Variants in CAST observed in about 807,000 individuals in gnomAD.
CAST encodes calpastatin.
A neutral mutation model predicts 119.6 loss-of-function variants in CAST; 76 were observed. The observed-to-expected ratio is 0.64, with a 90% CI of 0.53 to 0.77. CAST has a LOEUF of 0.77. CAST is among the 30% of genes least tolerant of loss of function. The pLI is 0.00. For missense variants in CAST, 953 were observed against 946.5 expected, an observed-to-expected ratio of 1.01 and a Z score of -0.09; for synonymous variants, 319 against 331.6, an observed-to-expected ratio of 0.96 and a Z score of 0.41.
chr5:96,238,235 T>C, the CAST span, among the ~76,000 whole-genome samples: 1 of 152,220 alleles, frequency 6.6e-6, no homozygotes, highest in East Asian at 1.9e-4. Context: ...CATCACACTA[T>C]ATTTAGGCAA....
At chr5:96,275,802 A>G in the CAST span, among the ~76,000 whole-genome samples, 1 of 152,200 alleles carries the variant, frequency 6.6e-6, no homozygotes, top group Non-Finnish European at 1.5e-5. Context: ...TTACAGGCTC[A>G]TTTGCTGTAA....
chr5:96,571,633 G>T (rs1330574905), intron 1 of CAST, among the ~76,000 whole-genome samples: 1 of 152,194 alleles, frequency 6.6e-6, no homozygotes, highest in African/African-American at 2.4e-5. Flanking sequence ...AAGGGGAAAA[G>T]AATCACAAAT....
chr5:96,565,277 A>G (rs1746446262), intron 1 of CAST, among the ~76,000 whole-genome samples: 1 of 152,134 alleles, frequency 6.6e-6, no homozygotes, highest in East Asian at 1.9e-4. Context: ...ATGATATGAT[A>G]AATATGAAGA....
At chr5:96,316,081 T>C in the CAST span, among the ~76,000 whole-genome samples, 1 of 152,206 alleles carries the variant, frequency 6.6e-6, no homozygotes, top group Non-Finnish European at 1.5e-5. Flanking sequence ...TCTGGAGATA[T>C]AATTAAATGC....
the CAST span, among the ~76,000 whole-genome samples, chr5:96,251,042 G>T: frequency 6.6e-6 from 1 of 152,174 alleles, no homozygotes; most frequent in African/African-American, 2.4e-5. Context: ...GTACAGAGAA[G>T]CCCTTACTTG....
the CAST span, among the ~76,000 whole-genome samples, chr5:96,291,125 C>A: frequency 6.6e-6 from 1 of 152,212 alleles, no homozygotes; most frequent in African/African-American, 2.4e-5. Context: ...CAGACACAAT[C>A]AAACCTTCAT....
chr5:96,431,926 G>T, the CAST span, among the ~76,000 whole-genome samples: 1 of 152,134 alleles, frequency 6.6e-6, no homozygotes. Context: ...TAGACTAGAA[G>T]TCACACTCCC....
intron 9 of CAST, among the ~76,000 whole-genome samples, chr5:96,731,492 C>CATTT (rs1364566026): frequency 4.6e-5 from 3 of 65,022 alleles, no homozygotes; most frequent in Non-Finnish European, 9.0e-5. Flanking sequence ...TTTTTTTTTG[C>CATTT]ATTTATTTAT....
At chr5:96,683,912 A>C (rs985215595) in intron 2 of CAST, among the ~76,000 whole-genome samples, 6 of 152,232 alleles carry the variant, frequency 3.9e-5, no homozygotes, top group Admixed American at 3.3e-4. Flanking sequence ...AATTTAGGAC[A>C]AAAACTCTGT....
chr5:96,064,270 C>G, the CAST span, among the ~76,000 whole-genome samples: 1 of 152,136 alleles, frequency 6.6e-6, no homozygotes, highest in Admixed American at 6.6e-5. Context: ...TCTCTTACCT[C>G]TTCTTACCCT....
chr5:96,270,035 A>AT, the CAST span, among the ~76,000 whole-genome samples: 1 of 152,200 alleles, frequency 6.6e-6, no homozygotes, highest in Non-Finnish European at 1.5e-5. Flanking sequence ...TAAAAAGATC[A>AT]TTTATCGTGA....
chr5:96,307,968 C>T, the CAST span, among the ~76,000 whole-genome samples: 1 of 152,078 alleles, frequency 6.6e-6, no homozygotes, highest in South Asian at 2.1e-4. Flanking sequence ...TTGTGGTGTT[C>T]TCTGCATTTC....
chr5:96,687,293 G>T (rs1752196526), intron 2 of CAST, among the ~76,000 whole-genome samples: 1 of 152,170 alleles, frequency 6.6e-6, no homozygotes, highest in South Asian at 2.1e-4. Context: ...GATGAACGTG[G>T]AAGTCCAACA....
chr5:96,393,078 A>C, the CAST span: 8 of 1,614,002 alleles, frequency 5.0e-6, no homozygotes, highest in Non-Finnish European at 8.5e-7. Flanking sequence ...TTAGTGTTAT[A>C]AAAAACATCA....
the CAST span, among the ~76,000 whole-genome samples, chr5:96,225,085 C>A: frequency 2.0e-5 from 3 of 152,198 alleles, no homozygotes; most frequent in Non-Finnish European, 4.4e-5. Context: ...GATCTTACAT[C>A]AGACTCTAAG....
the CAST span, among the ~76,000 whole-genome samples, chr5:96,417,231 G>C: frequency 6.6e-6 from 1 of 152,150 alleles, no homozygotes; most frequent in African/African-American, 2.4e-5. Flanking sequence ...TTTTCCTGAA[G>C]TAGCAAAGAT....
rs1024204951 is a variant in CAST at position 96,617,828 on chromosome 5, A to C, written c.61-57711A>C. Among the ~76,000 whole-genome samples the C allele has an allele frequency of 8.8e-5, 12 of 136,648 alleles. No homozygotes were observed. The East Asian group carries it at 1.9e-3, about 21-fold the overall frequency. The allele number at this position is 136,648 out of a possible 152,430, so 89.6% of individuals were successfully genotyped here. A position where few individuals can be genotyped will look rare whatever the true frequency, so the allele number is the denominator to read the frequency against. On this transcript the variant is annotated intron_variant, in intron 1 of 11. Coordinates refer to the CAST transcript ENST00000505143. ...AAAAAAAAAAAAAAAAAAAAAAAAA[A>C]ACACTCTTAGGAGAAAGGATTTTAC...
the CAST span, chr5:96,215,225 C>T: frequency 1.3e-5 from 2 of 152,108 alleles, no homozygotes; most frequent in Non-Finnish European, 2.9e-5. Context: ...CCCTTACAGC[C>T]TTAAAAATTA....
the CAST span, among the ~76,000 whole-genome samples, chr5:96,031,497 C>G: frequency 1.3e-5 from 2 of 152,100 alleles, no homozygotes; most frequent in African/African-American, 4.8e-5. Flanking sequence ...TTCTCAGTCA[C>G]ACTGGTTCAA....
Sources: gnomAD v4.1 joint callset for allele counts (sites outside exome capture counted in the v4.1 genomes callset) on GRCh38, gnomAD v4.1.1 for gene constraint, MANE v1.5 for transcripts, NCBI Gene and HGNC (gene_info 2026-07-23, HGNC 2026-07-21) for gene names.